The following KIAA1217 variants were observed in gnomAD, a reference collection of about 807,000 sequenced individuals.
KIAA1217 encodes KIAA1217.
In KIAA1217, 88 loss-of-function variants were observed where a neutral mutation model predicts 163.9. The observed-to-expected ratio is 0.54, with a 90% CI of 0.45 to 0.64. KIAA1217 has a LOEUF of 0.64. Ranked by LOEUF, KIAA1217 falls within the 30% of genes least tolerant of loss-of-function variation. KIAA1217 has a pLI of 0.00. For synonymous variants in KIAA1217, 903 were observed against 923.1 expected (o/e 0.98, Z 0.39); for missense variants, 2,372 against 2,475.0 (o/e 0.96, Z 0.88).
intron 2 of KIAA1217, among the ~76,000 whole-genome samples, chr10:24,055,972 A>G (rs1234969493): frequency 6.6e-6 from 1 of 151,554 alleles, no homozygotes; most frequent in Non-Finnish European, 1.5e-5. Context: ...AAAAAAAAAT[A>G]CCCCAAATGT....
chr10:24,255,317 AGCTGTGAATCACACTTCAAATCCTGAGCG>A, intron 2 of KIAA1217: 1 of 300,358 alleles, frequency 3.3e-6, no homozygotes, highest in Non-Finnish European at 6.6e-6. Flanking sequence ...GGTATTTTCT[AGCTGTGAATCACACTTCAAATCCTGAGCG>A]GCTGACTGTC....
intron 2 of KIAA1217, among the ~76,000 whole-genome samples, chr10:24,092,699 A>C (rs1005209330): frequency 6.6e-6 from 1 of 151,808 alleles, no homozygotes; most frequent in African/African-American, 2.4e-5. Context: ...TATGAAAAAA[A>C]AACAAAAACC....
At chr10:23,854,418 A>G (rs1839533193) in intron 1 of KIAA1217, among the ~76,000 whole-genome samples, 1 of 152,006 alleles carries the variant, frequency 6.6e-6, no homozygotes, top group South Asian at 2.1e-4. Context: ...TTTTCTGAGG[A>G]GTGCTTTACT....
intron 5 of KIAA1217, among the ~76,000 whole-genome samples, chr10:24,450,288 T>C (rs1003968352): frequency 1.3e-5 from 2 of 152,208 alleles, no homozygotes; most frequent in African/African-American, 4.8e-5. Flanking sequence ...AAAAATAACC[T>C]TTATCCTGGT....
chr10:24,501,368 T>C lies in KIAA1217; in HGVS notation c.1835-11T>C, dbSNP rs1460635589. Reference sequence around the variant, plus strand: ...TGGCCTTCTGAGTTCTCTGATGCACTTTTCTCATAGGAACGCCCCATGTGT... The same window carrying C: ...TGGCCTTCTGAGTTCTCTGATGCACCTTTCTCATAGGAACGCCCCATGTGT... On this transcript the variant is annotated splice_polypyrimidine_tract_variant and intron_variant, in intron 8 of 20. Transcript: ENST00000376454. 9 of 1,600,808 alleles carry C rather than the reference T, an allele frequency of 5.6e-6. No individual in the cohort carries two copies. Among genetic ancestry groups the C allele is most frequent in the Non-Finnish European group, 7.7e-6 (9 of 1,169,576 alleles).
chr10:24,037,579 G>A (rs1386848811), intron 2 of KIAA1217, among the ~76,000 whole-genome samples: 2 of 152,210 alleles, frequency 1.3e-5, no homozygotes, highest in Admixed American at 1.3e-4. Context: ...AATGATCTCA[G>A]TATGGAAGTC....
At chr10:24,295,799 A>G (rs1335068777) in intron 2 of KIAA1217, among the ~76,000 whole-genome samples, 1 of 152,072 alleles carries the variant, frequency 6.6e-6, no homozygotes, top group East Asian at 1.9e-4. Context: ...AAATCAACCT[A>G]AATGCCACCT....
At chr10:23,777,571 G>T (rs183711437) in intron 1 of KIAA1217, among the ~76,000 whole-genome samples, 60 of 152,260 alleles carry the variant, frequency 3.9e-4, no homozygotes, top group African/African-American at 1.4e-3. Context: ...ACAGGTCTCT[G>T]CTTATGTGAC....
At chr10:24,204,678 A>C (rs1284797569), upstream of KIAA1217, among the ~76,000 whole-genome samples, 1 of 151,686 alleles carries the variant, frequency 6.6e-6, no homozygotes, top group Non-Finnish European at 1.5e-5. Flanking sequence ...AATAGTGTCT[A>C]CTTTCCCTCT....
intron 2 of KIAA1217, among the ~76,000 whole-genome samples, chr10:24,274,372 G>A (rs1216230189): frequency 1.3e-5 from 2 of 150,600 alleles, no homozygotes; most frequent in Non-Finnish European, 3.0e-5. Flanking sequence ...TTTTTGAGAC[G>A]GAATATTGCT....
chr10:24,239,171 G>A, intron 2 of KIAA1217: 1 of 985,300 alleles, frequency 1.0e-6, no homozygotes. Context: ...TGCAAATGAC[G>A]AGAGTTTCAC....
chr10:24,516,387 G>A (rs1284790197), intron 10 of KIAA1217, among the ~76,000 whole-genome samples: 1 of 152,234 alleles, frequency 6.6e-6, no homozygotes, highest in African/African-American at 2.4e-5. Flanking sequence ...GCCTGTCTGG[G>A]CTGTGCCTAC....
chr10:24,043,744 C>T (rs1848788256), intron 2 of KIAA1217, among the ~76,000 whole-genome samples: 1 of 152,254 alleles, frequency 6.6e-6, no homozygotes, highest in African/African-American at 2.4e-5. Flanking sequence ...AGCATCCAAA[C>T]ATTTATACAG....
intron 1 of KIAA1217, among the ~76,000 whole-genome samples, chr10:23,918,092 A>G (rs1170723852): frequency 6.6e-6 from 1 of 151,174 alleles, no homozygotes; most frequent in Non-Finnish European, 1.5e-5. Context: ...GGCTCACTGC[A>G]ACCTCAAAGT....
chr10:24,312,389 C>A (rs220374), intron 2 of KIAA1217, among the ~76,000 whole-genome samples: 3 of 152,038 alleles, frequency 2.0e-5, no homozygotes, highest in African/African-American at 7.2e-5. Flanking sequence ...GCCAAGGCGG[C>A]CGAATCACCT....
At chr10:24,523,875 A>G (rs2071685799) in intron 12 of KIAA1217, among the ~76,000 whole-genome samples, 1 of 152,220 alleles carries the variant, frequency 6.6e-6, no homozygotes, top group African/African-American at 2.4e-5. Flanking sequence ...GTCACTGTGT[A>G]CCTTGTGGCA....
At chr10:23,795,144 G>C in intron 1 of KIAA1217, among the ~76,000 whole-genome samples, 1 of 152,192 alleles carries the variant, frequency 6.6e-6, no homozygotes, top group East Asian at 1.9e-4. Flanking sequence ...TCTGACTTTA[G>C]TAATCTTTAT....
intron 2 of KIAA1217, among the ~76,000 whole-genome samples, chr10:24,112,847 CA>C (rs2062907156): frequency 1.3e-5 from 2 of 151,990 alleles, no homozygotes; most frequent in Admixed American, 1.3e-4. Flanking sequence ...CAGCCTCCCA[CA>C]GTGCTGGGAT....
chr10:23,812,398 T>A (rs1485219206), intron 1 of KIAA1217, among the ~76,000 whole-genome samples: 1 of 152,218 alleles, frequency 6.6e-6, no homozygotes, highest in African/African-American at 2.4e-5. Context: ...TTTACTTTAT[T>A]TGGTATCTTT....
Sources: gnomAD v4.1 joint callset for allele counts (sites outside exome capture counted in the v4.1 genomes callset) on GRCh38, gnomAD v4.1.1 for gene constraint, MANE v1.5 for transcripts, NCBI Gene and HGNC (gene_info 2026-07-23, HGNC 2026-07-21) for gene names.